Variants in SLC43A2 observed in about 807,000 individuals in gnomAD.
SLC43A2 encodes the protein large neutral amino acids transporter small subunit 4.
Under a neutral mutation model 63.2 loss-of-function variants are expected in SLC43A2, and 38 were observed. That is an observed-to-expected ratio of 0.60 (90% CI 0.46 to 0.79). SLC43A2 has a LOEUF of 0.79. Ranked by LOEUF, SLC43A2 falls within the 30% of genes least tolerant of loss-of-function variation. The pLI is 0.00. For missense variants in SLC43A2, 644 were observed against 756.2 expected, an observed-to-expected ratio of 0.85 and a Z score of 1.74; for synonymous variants, 322 against 331.0, an observed-to-expected ratio of 0.97 and a Z score of 0.30.
intron 11 of SLC43A2, among the ~76,000 whole-genome samples, chr17:1,579,590 C>G (rs1304330122): frequency 6.6e-6 from 1 of 152,034 alleles, no homozygotes; most frequent in Non-Finnish European, 1.5e-5. Flanking sequence ...CTGTAATCCC[C>G]ACACTCTGGG....
chr17:1,575,873 G>T, intron 13 of SLC43A2, 108 bp from the exon 14 acceptor site: 1 of 1,279,594 alleles, frequency 7.8e-7, no homozygotes, highest in South Asian at 1.5e-5. Flanking sequence ...GGGGTGGAAG[G>T]GGGAACGAAA....
chr17:1,594,657 G>C (rs181164880), intron 5 of SLC43A2, among the ~76,000 whole-genome samples: 1 of 142,828 alleles, frequency 7.0e-6, no homozygotes, highest in South Asian at 2.3e-4. Flanking sequence ...GCTCTATCTC[G>C]GCTCACTGCA....
chr17:1,598,827 T>G (rs1448583047), intron 5 of SLC43A2, among the ~76,000 whole-genome samples: 1 of 152,186 alleles, frequency 6.6e-6, no homozygotes, highest in African/African-American at 2.4e-5. Context: ...GGATGAGGCC[T>G]TGCCCTCAGG....
Position 1,614,942 on chromosome 17 carries a change from C to T in SLC43A2, c.424+37G>A, listed in dbSNP as rs112833268. On this transcript the variant is annotated intron_variant, in intron 4 of 13. Transcript: ENST00000301335. ...GGAGCAGCTCAGGGCACTCTCTCCC[C>T]GGTCCCTGACAGAAGATGGAGGGAG... The T allele has an allele frequency of 7.8e-5, 125 of 1,607,808 alleles. 3 individuals are homozygous for T. Among genetic ancestry groups the T allele is most frequent in the African/African-American group, 5.7e-4 (43 of 74,812 alleles).
Position 1,575,288 on chromosome 17 carries a change from T to C in SLC43A2, c.*316A>G. ...TTGGCAAGAGGCAGAATCCAGACAC[T>C]GGCGGGAGAGCGCCTGCCTGCCGGG... On this transcript the variant is annotated 3_prime_UTR_variant, in exon 14 of 14. Transcript: ENST00000301335. The C allele has an allele frequency of 2.2e-6, 1 of 452,744 alleles. No individual in the cohort carries two copies. The highest frequency in any genetic ancestry group is 4.0e-6 in the Non-Finnish European group (1 of 248,672). 28.0% of individuals were successfully genotyped at this position (452,744 alleles called of 1,614,324 possible).
At chr17:1,629,254 C>T (rs916739010), upstream of SLC43A2, among the ~76,000 whole-genome samples, 9 of 152,140 alleles carry the variant, frequency 5.9e-5, no homozygotes, top group African/African-American at 2.2e-4. Context: ...CAGCTGCCCC[C>T]TGCGCGCGGG....
At chr17:1,613,167 T>C (rs1245189989) in intron 5 of SLC43A2, 28 bp downstream of exon 5, 3 of 1,584,566 alleles carry the variant, frequency 1.9e-6, no homozygotes, top group African/African-American at 2.7e-5. Flanking sequence ...ATTACTGAAC[T>C]ACAGAGCTTT....
chr17:1,579,348 C>A (rs1420882882), intron 11 of SLC43A2, among the ~76,000 whole-genome samples: 1 of 150,920 alleles, frequency 6.6e-6, no homozygotes, highest in Non-Finnish European at 1.5e-5. Flanking sequence ...GTATTCCCAG[C>A]TACTCAGGAG....
At chr17:1,629,783 G>GA (rs1257223230), upstream of SLC43A2, among the ~76,000 whole-genome samples, 1 of 152,198 alleles carries the variant, frequency 6.6e-6, no homozygotes, top group Non-Finnish European at 1.5e-5. Flanking sequence ...ACAAGCTAGG[G>GA]AGGGTTCGAG....
chr17:1,591,063 G>T, intron 8 of SLC43A2, 115 bp from the exon 9 acceptor site: 1 of 1,308,006 alleles, frequency 7.6e-7, no homozygotes, highest in Non-Finnish European at 1.0e-6. Context: ...CGGGCCTGGT[G>T]AGGGTAACGG....
At chr17:1,613,370 T>A in intron 4 of SLC43A2, 99 bp from the exon 5 acceptor site, 3 of 1,051,050 alleles carry the variant, frequency 2.9e-6, no homozygotes, top group Non-Finnish European at 4.4e-6. Flanking sequence ...TCCCAGTAAA[T>A]CCAGTAAACG....
intron 10 of SLC43A2, chr17:1,585,391 G>A (rs1019332014): frequency 1.4e-5 from 5 of 362,062 alleles, no homozygotes; most frequent in South Asian, 7.5e-5. Context: ...ACAGGCGCGC[G>A]CCGCCACCGC....
chr17:1,587,047 G>T, intron 9 of SLC43A2: 2 of 1,371,116 alleles, frequency 1.5e-6, no homozygotes, highest in Non-Finnish European at 2.0e-6. Context: ...GGGAGAGGAG[G>T]CAGGCTCACT....
At chr17:1,603,601 C>T (rs745984838) in intron 5 of SLC43A2, among the ~76,000 whole-genome samples, 3 of 151,166 alleles carry the variant, frequency 2.0e-5, no homozygotes, top group Admixed American at 6.6e-5. Context: ...CTGGCCAATA[C>T]GGTGAAACCC....
intron 5 of SLC43A2, among the ~76,000 whole-genome samples, chr17:1,599,186 A>G (rs1905639127): frequency 6.6e-6 from 1 of 151,746 alleles, no homozygotes; most frequent in Non-Finnish European, 1.5e-5. Context: ...TAAAAATACC[A>G]AAAATTAGCC....
upstream of SLC43A2, chr17:1,629,026 C>T (rs1908957765): frequency 6.6e-6 from 1 of 152,386 alleles, no homozygotes; most frequent in South Asian, 2.1e-4. Flanking sequence ...CGGGAGGGGC[C>T]TGGGCGCTGC....
At chr17:1,599,296 T>C (rs149550270) in intron 5 of SLC43A2, among the ~76,000 whole-genome samples, 1,807 of 151,664 alleles carry the variant, frequency 0.012, 14 homozygotes, top group Middle Eastern at 0.02. Flanking sequence ...GCCAAGATCA[T>C]GCCACTGCAC....
chr17:1,582,474 G>C (rs998772277), intron 11 of SLC43A2, among the ~76,000 whole-genome samples: 1 of 152,292 alleles, frequency 6.6e-6, no homozygotes, highest in South Asian at 2.1e-4. Context: ...CAGGGGAGCA[G>C]ATGCTCCCAC....
chr17:1,580,445 T>A (rs1005193408), intron 11 of SLC43A2, among the ~76,000 whole-genome samples: 1 of 152,240 alleles, frequency 6.6e-6, no homozygotes, highest in Admixed American at 6.5e-5. Context: ...CCTCGGACTG[T>A]GCTCCAGGGT....
Sources: gnomAD v4.1 joint callset for allele counts (sites outside exome capture counted in the v4.1 genomes callset) on GRCh38, gnomAD v4.1.1 for gene constraint, MANE v1.5 for transcripts, NCBI Gene and HGNC (gene_info 2026-07-23, HGNC 2026-07-21) for gene names.